The following SLC22A24 variants were observed in gnomAD, a reference collection of about 807,000 sequenced individuals.
SLC22A24 encodes the protein solute carrier family 22 member 24.
In SLC22A24, 53 loss-of-function variants were observed where a neutral mutation model predicts 49.8. The observed-to-expected ratio is 1.06, with a 90% CI of 0.85 to 1.34. The LOEUF (loss-of-function observed/expected upper bound fraction) is 1.34, where lower values mean the gene tolerates loss of function less well. Ranked by LOEUF, SLC22A24 falls within the 40% of genes most tolerant of loss-of-function variation. SLC22A24 has a pLI of 0.00. For missense variants in SLC22A24, 786 were observed against 675.9 expected, an observed-to-expected ratio of 1.16 and a Z score of -1.81; for synonymous variants, 302 against 256.4, an observed-to-expected ratio of 1.18 and a Z score of -1.70.
chr11:63,144,086 C>T lies in SLC22A24; in HGVS notation c.-307G>A, dbSNP rs1423841891. 4.5e-6 allele frequency: 1 copy of T among 221,342 alleles called. No individual in the cohort carries two copies. The highest frequency in any genetic ancestry group is 5.8e-5 in the Admixed American group (1 of 17,194). 13.7% of individuals were successfully genotyped at this position (221,342 alleles called of 1,614,324 possible). A position where few individuals can be genotyped will look rare whatever the true frequency, so the allele number is the denominator to read the frequency against. Reference sequence around the variant, plus strand: ...TTAAAAGACTACTCTGTGAAAGATCCTGATCTCTGAGTTTCCTGATAAGTC... The same window carrying T: ...TTAAAAGACTACTCTGTGAAAGATCTTGATCTCTGAGTTTCCTGATAAGTC... On this transcript the variant is annotated 5_prime_UTR_variant, in exon 1 of 10. Coordinates refer to ENST00000612278, the MANE Select transcript of SLC22A24 (RefSeq NM_001136506.2).
chr11:63,138,505 G>T (rs2087391287), intron 1 of SLC22A24, among the ~76,000 whole-genome samples: 1 of 151,820 alleles, frequency 6.6e-6, no homozygotes. Context: ...AGCCGGGTGT[G>T]GTGGCGGGCA....
chr11:63,080,893 C>T (rs1473418804), intron 9 of SLC22A24, 27 bp downstream of exon 9: 2 of 1,538,290 alleles, frequency 1.3e-6, no homozygotes, highest in Admixed American at 2.0e-5. Context: ...ACTCCCCACT[C>T]AAGTGACAGC....
intron 4 of SLC22A24, among the ~76,000 whole-genome samples, chr11:63,112,487 G>T (rs2087173341): frequency 6.6e-6 from 1 of 152,076 alleles, no homozygotes; most frequent in Admixed American, 6.6e-5. Context: ...GGGAGTCTAA[G>T]TCTCTTTGTA....
intron 1 of SLC22A24, among the ~76,000 whole-genome samples, 194 bp downstream of exon 1, chr11:63,143,184 A>G (rs1347408598): frequency 2.6e-5 from 4 of 152,206 alleles, no homozygotes; most frequent in African/African-American, 9.6e-5. Flanking sequence ...TTTTACACCA[A>G]TATAATACTA....
In SLC22A24 at chr11:63,082,580, G is replaced by A. The variant is rs78663682; in HGVS notation, c.1285+663C>T. On this transcript the variant is annotated intron_variant, in intron 7 of 9. Transcript: ENST00000612278. ...CTTAGGAAAGTGGATTTTAAGAGAG[G>A]CTGGGTCAGCTTCTTAATCTGTTCC... is the stretch of plus-strand genomic sequence containing the variant. Among the ~76,000 whole-genome samples, 614 of 152,300 alleles carry A rather than the reference G, an allele frequency of 4.0e-3. 2 individuals are homozygous for A. The highest frequency in any genetic ancestry group is 0.014 in the African/African-American group (574 of 41,564).
At chr11:63,092,184 A>G (rs2087024340) in intron 6 of SLC22A24, among the ~76,000 whole-genome samples, 3 of 151,950 alleles carry the variant, frequency 2.0e-5, no homozygotes, top group South Asian at 2.1e-4. Flanking sequence ...GCCTAGGAAT[A>G]CAACTTACAA....
intron 4 of SLC22A24, among the ~76,000 whole-genome samples, chr11:63,112,858 CA>C (rs907786481): frequency 1.3e-5 from 2 of 148,850 alleles, no homozygotes; most frequent in Non-Finnish European, 3.0e-5. Context: ...CTAAAAAATA[CA>C]AAAAAAATAG....
At chr11:63,096,955 A>G (rs543396798) in intron 5 of SLC22A24, among the ~76,000 whole-genome samples, 4 of 152,298 alleles carry the variant, frequency 2.6e-5, no homozygotes, top group African/African-American at 9.6e-5. Context: ...GAAGTCTTAC[A>G]TGTAAATATA....
intron 4 of SLC22A24, among the ~76,000 whole-genome samples, chr11:63,113,175 T>C (rs1306097045): frequency 1.4e-4 from 1 of 7,262 alleles, no homozygotes; most frequent in African/African-American, 1.9e-4. Flanking sequence ...CACATATATA[T>C]ACATATATAT....
intron 4 of SLC22A24, among the ~76,000 whole-genome samples, chr11:63,106,539 C>CCACT (rs1451675153): frequency 2.6e-5 from 4 of 152,156 alleles, no homozygotes; most frequent in African/African-American, 7.2e-5. Context: ...CACTAGTTTT[C>CCACT]CACTAACAGT....
At chr11:63,091,039 A>G (rs1012287658) in intron 6 of SLC22A24, among the ~76,000 whole-genome samples, 2 of 152,120 alleles carry the variant, frequency 1.3e-5, no homozygotes, top group Admixed American at 1.3e-4. Flanking sequence ...ACCGCTAGCT[A>G]GACTAATAAA....
chr11:63,128,421 C>G (rs1312351225), intron 2 of SLC22A24, among the ~76,000 whole-genome samples: 2 of 151,994 alleles, frequency 1.3e-5, no homozygotes, highest in Non-Finnish European at 2.9e-5. Context: ...CTCCCTTTCC[C>G]TGGGGGAGTT....
Position 63,092,906 on chromosome 11 carries a change from A to G in SLC22A24, c.1070+3085T>C, listed in dbSNP as rs946493243. Reference sequence around the variant, plus strand: ...TAAACTATCATCAGAGTGAACAGGCAACCTACAGAATGGGAGAAAATTTTT... The same window carrying G: ...TAAACTATCATCAGAGTGAACAGGCGACCTACAGAATGGGAGAAAATTTTT... On this transcript the variant is annotated intron_variant, in intron 6 of 9. Coordinates refer to ENST00000612278, the MANE Select transcript of SLC22A24 (RefSeq NM_001136506.2). Among the ~76,000 whole-genome samples the G allele has an allele frequency of 7.2e-5, 11 of 152,262 alleles. No individual in the cohort carries two copies. In the East Asian group the frequency reaches 1.9e-3, roughly 27 times the overall value.
At chr11:63,130,555 A>G (rs1420981335) in intron 2 of SLC22A24, among the ~76,000 whole-genome samples, 1 of 151,618 alleles carries the variant, frequency 6.6e-6, no homozygotes, top group Non-Finnish European at 1.5e-5. Flanking sequence ...AATGGTACCT[A>G]CTCCTGTTTG....
rs56708217 is a variant in SLC22A24 at position 63,099,371 on chromosome 11, A to ATTTTTTTTTTTTTTTTTTTTTT, written c.955-3287_955-3266dup. ...CCACCACACCTGGCTAATTTTTAAG[A>ATTTTTTTTTTTTTTTTTTTTTT]TTTTTTTTTTTTTTTTTTTTTTTTT... is the stretch of plus-strand genomic sequence containing the variant. On this transcript the variant is annotated intron_variant, in intron 5 of 9. Coordinates refer to ENST00000612278, the MANE Select transcript of SLC22A24 (RefSeq NM_001136506.2). 1.3e-3 allele frequency among the ~76,000 whole-genome samples: 70 copies of ATTTTTTTTTTTTTTTTTTTTTT among 52,338 alleles called. 9 individuals carry two copies. Among genetic ancestry groups the ATTTTTTTTTTTTTTTTTTTTTT allele is most frequent in the Non-Finnish European group, 1.5e-3 (46 of 30,898 alleles). The allele number at this position is 52,338 out of a possible 152,430, so 34.3% of individuals were successfully genotyped here.
intron 5 of SLC22A24, among the ~76,000 whole-genome samples, chr11:63,100,882 TA>T (rs893178292): frequency 1.1e-4 from 17 of 152,096 alleles, no homozygotes; most frequent in Non-Finnish European, 1.6e-4. Context: ...TCTCACCATA[TA>T]AAAAATCAAA....
chr11:63,104,701 A>T (rs1310131965), intron 4 of SLC22A24, among the ~76,000 whole-genome samples: 1 of 152,184 alleles, frequency 6.6e-6, no homozygotes, highest in Non-Finnish European at 1.5e-5. Context: ...ATCAGATCTC[A>T]TGAGACTTAT....
At chr11:63,085,912 T>C (rs116935356) in intron 6 of SLC22A24, among the ~76,000 whole-genome samples, 735 of 152,334 alleles carry the variant, frequency 4.8e-3, no homozygotes, top group Admixed American at 8.4e-3. Flanking sequence ...TCAGGGACTC[T>C]AGTCTTTAGT....
At chr11:63,083,963 G>A (rs755194603) in intron 6 of SLC22A24, among the ~76,000 whole-genome samples, 2 of 152,134 alleles carry the variant, frequency 1.3e-5, no homozygotes, top group Non-Finnish European at 2.9e-5. Flanking sequence ...CCTGGAGAAT[G>A]GGGGTAATAC....
Sources: allele counts gnomAD v4.1 joint callset (sites outside exome capture counted in the v4.1 genomes callset), GRCh38; gene constraint gnomAD v4.1.1; transcripts MANE v1.5; gene names NCBI Gene and HGNC (gene_info 2026-07-23, HGNC 2026-07-21).